The following BNC2 variants were observed in gnomAD, a reference collection of about 807,000 sequenced individuals.
BNC2 encodes basonuclin zinc finger protein 2.
BNC2 carries 20 observed loss-of-function variants against 76.3 expected under a neutral mutation model. The observed-to-expected ratio is 0.26, with a 90% CI of 0.18 to 0.38. The LOEUF (loss-of-function observed/expected upper bound fraction) is 0.38. Among genes scored for constraint, BNC2 ranks in the 10% least tolerant of loss-of-function variants. The pLI, the probability that BNC2 is intolerant of heterozygous loss-of-function variation, is 1.00. For missense variants in BNC2, 1,382 were observed against 1,399.8 expected (o/e 0.99, Z 0.20); for synonymous variants, 582 against 514.8 (o/e 1.13, Z -1.77).
At chr9:16,774,991 C>T (rs1244811699) in intron 1 of BNC2, among the ~76,000 whole-genome samples, 1 of 152,156 alleles carries the variant, frequency 6.6e-6, no homozygotes, top group Non-Finnish European at 1.5e-5. Context: ...AGAAAAAATA[C>T]ATGTAATTAC....
chr9:16,754,056 T>A (rs1825304329), intron 1 of BNC2, among the ~76,000 whole-genome samples: 1 of 152,178 alleles, frequency 6.6e-6, no homozygotes, highest in Non-Finnish European at 1.5e-5. Flanking sequence ...TTATAGCCTG[T>A]AATTGCTGCC....
intron 3 of BNC2, among the ~76,000 whole-genome samples, chr9:16,593,515 C>A (rs1012807629): frequency 6.6e-6 from 1 of 151,042 alleles, no homozygotes; most frequent in African/African-American, 2.5e-5. Context: ...TCAAAGCATA[C>A]GCAAGCTTTG....
At chr9:16,813,130 C>T (rs1818093928) in intron 1 of BNC2, among the ~76,000 whole-genome samples, 2 of 152,110 alleles carry the variant, frequency 1.3e-5, no homozygotes, top group Middle Eastern at 6.8e-3. Context: ...CCCTGTAGGC[C>T]GAGGTTGCAG....
intron 2 of BNC2, among the ~76,000 whole-genome samples, chr9:16,737,539 CGT>C (rs1824711892): frequency 8.5e-6 from 1 of 117,300 alleles, no homozygotes; most frequent in Admixed American, 1.0e-4. Context: ...CGTGAGCCAC[CGT>C]GCCTGGCTTT....
chr9:16,427,952 C>G (rs1820832783), intron 6 of BNC2, among the ~76,000 whole-genome samples: 1 of 152,076 alleles, frequency 6.6e-6, no homozygotes, highest in South Asian at 2.1e-4. Context: ...AAATAATTTG[C>G]TGGGACAAAT....
chr9:16,807,962 T>C (rs1412566555), intron 1 of BNC2, among the ~76,000 whole-genome samples: 2 of 152,246 alleles, frequency 1.3e-5, no homozygotes, highest in African/African-American at 4.8e-5. Flanking sequence ...TATGTGGCAG[T>C]CAGACAAGAT....
At chr9:16,860,889 T>C (rs1471129608) in intron 1 of BNC2, among the ~76,000 whole-genome samples, 64 of 151,380 alleles carry the variant, frequency 4.2e-4, no homozygotes, top group Admixed American at 4.2e-3. Flanking sequence ...CCACTAAAAA[T>C]ACAAAAATTA....
intron 3 of BNC2, among the ~76,000 whole-genome samples, chr9:16,642,407 C>T (rs1821514488): frequency 6.6e-6 from 1 of 152,180 alleles, no homozygotes; most frequent in Non-Finnish European, 1.5e-5. Flanking sequence ...CTGGACTCTT[C>T]TTTGAAAGGT....
chr9:16,851,131 C>T (rs1819117749), intron 1 of BNC2, among the ~76,000 whole-genome samples: 1 of 151,938 alleles, frequency 6.6e-6, no homozygotes, highest in African/African-American at 2.4e-5. Flanking sequence ...TATTTCAATG[C>T]TTCATTCAAA....
intron 3 of BNC2, among the ~76,000 whole-genome samples, chr9:16,599,986 A>C (rs1002109364): frequency 1.3e-5 from 2 of 152,198 alleles, no homozygotes; most frequent in Non-Finnish European, 2.9e-5. Context: ...AAAGGAAAAC[A>C]GGGGCAACCA....
intron 2 of BNC2, among the ~76,000 whole-genome samples, chr9:16,737,110 C>G (rs941301237): frequency 1.3e-5 from 2 of 150,232 alleles, no homozygotes; most frequent in African/African-American, 4.9e-5. Context: ...CCAGCTCGGC[C>G]TATTATTTTT....
chr9:16,815,325 G>C (rs1033948304), intron 1 of BNC2, among the ~76,000 whole-genome samples: 7 of 152,184 alleles, frequency 4.6e-5, no homozygotes, highest in African/African-American at 1.7e-4. Flanking sequence ...AGTTTGAAAA[G>C]ATTAGTAGCA....
At chr9:16,796,717 G>C (rs1056024893) in intron 1 of BNC2, among the ~76,000 whole-genome samples, 4 of 152,126 alleles carry the variant, frequency 2.6e-5, no homozygotes, top group Non-Finnish European at 5.9e-5. Flanking sequence ...TAGAATTCCT[G>C]CTGTTTCAAG....
chr9:16,709,186 C>T (rs1382588627), intron 3 of BNC2, among the ~76,000 whole-genome samples: 1 of 152,082 alleles, frequency 6.6e-6, no homozygotes, highest in Admixed American at 6.5e-5. Flanking sequence ...GAGCAAGCCA[C>T]TGAAGGGGAG....
chr9:16,425,222 T>G (rs865893844), intron 6 of BNC2, among the ~76,000 whole-genome samples: 2 of 152,204 alleles, frequency 1.3e-5, no homozygotes, highest in African/African-American at 4.8e-5. Flanking sequence ...TACATTCAAA[T>G]TATTCACTTG....
At chr9:16,835,704 G>C (rs1818690817) in intron 1 of BNC2, among the ~76,000 whole-genome samples, 1 of 152,010 alleles carries the variant, frequency 6.6e-6, no homozygotes, top group Non-Finnish European at 1.5e-5. Flanking sequence ...TCCCATTTCA[G>C]AAAAAATAAA....
At chr9:16,655,659 G>C (rs1021412757) in intron 3 of BNC2, among the ~76,000 whole-genome samples, 2 of 152,132 alleles carry the variant, frequency 1.3e-5, no homozygotes. Flanking sequence ...TCTAACAAAA[G>C]ATATTATACA....
intron 5 of BNC2, among the ~76,000 whole-genome samples, chr9:16,521,752 T>G (rs931492575): frequency 6.6e-6 from 1 of 152,244 alleles, no homozygotes; most frequent in African/African-American, 2.4e-5. Flanking sequence ...CATATCATGT[T>G]AAATTGGATT....
chr9:16,507,519 C>G (rs1167906320), intron 5 of BNC2, among the ~76,000 whole-genome samples: 1 of 152,182 alleles, frequency 6.6e-6, no homozygotes, highest in Non-Finnish European at 1.5e-5. Context: ...ACCTCCACCT[C>G]CCGGGTTCAA....
Sources: gnomAD v4.1 joint callset for allele counts (sites outside exome capture counted in the v4.1 genomes callset) on GRCh38, gnomAD v4.1.1 for gene constraint, MANE v1.5 for transcripts, NCBI Gene and HGNC (gene_info 2026-07-23, HGNC 2026-07-21) for gene names.